Variants in LMLN observed in about 807,000 individuals in gnomAD.
LMLN encodes the protein leishmanolysin like peptidase, also known as leishmanolysin-like peptidase.
Under a neutral mutation model 92.3 loss-of-function variants are expected in LMLN, and 70 were observed. The observed-to-expected ratio is 0.76, with a 90% CI of 0.63 to 0.92. LMLN has a LOEUF of 0.92. LMLN is among the 40% of genes least tolerant of loss of function. The pLI, the probability that LMLN is intolerant of heterozygous loss-of-function variation, is 0.00. For synonymous variants in LMLN, 308 were observed against 296.2 expected, an observed-to-expected ratio of 1.04 and a Z score of -0.41; for missense variants, 691 against 814.6, an observed-to-expected ratio of 0.85 and a Z score of 1.85.
intron 11 of LMLN, among the ~76,000 whole-genome samples, chr3:198,013,204 A>T (rs1158586119): frequency 1.8e-5 from 2 of 112,968 alleles, no homozygotes; most frequent in Non-Finnish European, 3.3e-5. Flanking sequence ...ACTTCTCTGT[A>T]CCCTTCAGAG....
chr3:197,974,683 C>T (rs756532519), intron 2 of LMLN, among the ~76,000 whole-genome samples: 1 of 152,178 alleles, frequency 6.6e-6, no homozygotes, highest in Non-Finnish European at 1.5e-5. Flanking sequence ...TTTTCTTTTA[C>T]CATCTTCCTT....
chr3:198,023,622 A>C (rs1172044748), intron 13 of LMLN, among the ~76,000 whole-genome samples: 1 of 152,200 alleles, frequency 6.6e-6, no homozygotes, highest in Non-Finnish European at 1.5e-5. Context: ...CTGGCATAAA[A>C]CACTTATCTT....
At chr3:198,029,385 T>C (rs1199485325) in intron 14 of LMLN, among the ~76,000 whole-genome samples, 1 of 152,214 alleles carries the variant, frequency 6.6e-6, no homozygotes, top group Non-Finnish European at 1.5e-5. Flanking sequence ...TCCAAAAAAC[T>C]ACAGCCTCAG....
At chr3:197,995,686 A>G (rs895373791) in intron 9 of LMLN, among the ~76,000 whole-genome samples, 4 of 151,844 alleles carry the variant, frequency 2.6e-5, no homozygotes, top group Non-Finnish European at 4.4e-5. Context: ...GAATATGGTC[A>G]ATAGTAGTGT....
rs547047828 is a variant in LMLN at position 197,993,835 on chromosome 3, T to C, written c.1048-2340T>C. ...AAAGCTGTTCAGGCAGTGTGATGCC[T>C]CCAGCTTTGCAGTATTTCAAACTGT... On this transcript the variant is annotated intron_variant, in intron 9 of 15. Transcript: ENST00000330198. Among the ~76,000 whole-genome samples the C allele has an allele frequency of 3.9e-5, 6 of 152,274 alleles. No homozygotes were observed. The East Asian group carries it at 9.6e-4, about 24-fold the overall frequency.
intron 6 of LMLN, among the ~76,000 whole-genome samples, chr3:197,980,943 A>G (rs1721539378): frequency 6.6e-6 from 1 of 151,648 alleles, no homozygotes; most frequent in Admixed American, 6.6e-5. Context: ...TCATCTTGAC[A>G]AAAAATAAAA....
chr3:198,014,288 T>C (rs368129345), intron 11 of LMLN, among the ~76,000 whole-genome samples: 1,430 of 68,482 alleles, frequency 0.021, 1 homozygote, highest in Middle Eastern at 0.051. Flanking sequence ...CCCTTCAGAG[T>C]CCCCTAACTA....
chr3:198,015,022 T>C (rs1335680633), intron 11 of LMLN, among the ~76,000 whole-genome samples: 5 of 142,430 alleles, frequency 3.5e-5, no homozygotes, highest in Non-Finnish European at 7.7e-5. Context: ...CTCTCCACCC[T>C]TCAGAGCCCC....
Position 197,973,403 on chromosome 3 carries a change from G to A in LMLN, c.220-974G>A, listed in dbSNP as rs185363468. 5.6e-3 allele frequency among the ~76,000 whole-genome samples: 854 copies of A among 152,016 alleles called. 6 individuals carry two copies. The highest frequency in any genetic ancestry group is 0.011 in the Non-Finnish European group (721 of 67,942). On this transcript the variant is annotated intron_variant, in intron 1 of 15. Coordinates refer to ENST00000330198, the Ensembl canonical transcript of LMLN. ...ACTACAGGCGCCTGCCACCATGCCC[G>A]GCTAATTTTTTTGTATTTTTAGTAG...
At chr3:198,026,830 T>C (rs1722946403) in intron 14 of LMLN, among the ~76,000 whole-genome samples, 1 of 152,176 alleles carries the variant, frequency 6.6e-6, no homozygotes, top group Non-Finnish European at 1.5e-5. Context: ...TCATTGCTTT[T>C]AGTGGAGTGT....
intron 2 of LMLN, 92 bp downstream of exon 2, chr3:197,974,566 G>A: frequency 1.5e-6 from 1 of 662,214 alleles, no homozygotes; most frequent in Non-Finnish European, 2.5e-6. Context: ...AGAATCCATA[G>A]ATAAAACTTA....
intron 7 of LMLN, among the ~76,000 whole-genome samples, chr3:197,985,403 A>G (rs1031988302): frequency 6.6e-6 from 1 of 151,466 alleles, no homozygotes; most frequent in Admixed American, 6.6e-5. Context: ...ACACACACAC[A>G]CACACACACA....
intron 8 of LMLN, among the ~76,000 whole-genome samples, chr3:197,987,105 G>C (rs1721731569): frequency 6.7e-6 from 1 of 149,060 alleles, no homozygotes; most frequent in Non-Finnish European, 1.5e-5. Context: ...CTCCCAAAGT[G>C]TTGGGATTAC....
At chr3:198,040,180 A>C (rs1359772854) in exon 16 of LMLN, 2 of 152,234 alleles carry the variant, frequency 1.3e-5, no homozygotes, top group Non-Finnish European at 2.9e-5. Context: ...GTGTACTAAT[A>C]GCAAGGTATA....
At position 198,032,000 on chromosome 3, in the gene LMLN, G is replaced by T. The variant is rs1392248944; in HGVS notation, c.1657-3833G>T. 6.6e-6 allele frequency among the ~76,000 whole-genome samples: 1 copy of T among 151,876 alleles called. No homozygotes were observed. Among genetic ancestry groups the T allele is most frequent in the African/African-American group, 2.4e-5 (1 of 41,322 alleles). On this transcript the variant is annotated intron_variant, in intron 14 of 15. Transcript: ENST00000330198. This position sits in a 1 kb window ranked among gnomAD's most constrained non-coding sequence, Gnocchi z 4.8. Reference sequence around the variant, plus strand: ...GCCTGTAATTCCAGCTACACAGGAGGCTGAGGCATGAGAATCACTTGAACC... The same window carrying T: ...GCCTGTAATTCCAGCTACACAGGAGTCTGAGGCATGAGAATCACTTGAACC...
chr3:198,015,017 C>T (rs1172706219), intron 11 of LMLN, among the ~76,000 whole-genome samples: 20 of 141,370 alleles, frequency 1.4e-4, no homozygotes, highest in Non-Finnish European at 1.2e-4. Flanking sequence ...GACTTCTCTC[C>T]ACCCTTCAGA....
At chr3:197,981,389 AATG>A (rs1721554595) in intron 6 of LMLN, among the ~76,000 whole-genome samples, 1 of 152,130 alleles carries the variant, frequency 6.6e-6, no homozygotes, top group African/African-American at 2.4e-5. Context: ...CAACAATAAT[AATG>A]ATAAGTCCAC....
chr3:197,978,076 C>T (rs1169851608), intron 5 of LMLN, among the ~76,000 whole-genome samples: 1 of 151,378 alleles, frequency 6.6e-6, no homozygotes, highest in Non-Finnish European at 1.5e-5. Flanking sequence ...TAAAAATTAT[C>T]AAACAATCTG....
chr3:197,993,799 G>A (rs1721944153), intron 9 of LMLN, among the ~76,000 whole-genome samples: 2 of 152,056 alleles, frequency 1.3e-5, no homozygotes, highest in African/African-American at 4.8e-5. Context: ...ACAATCATGA[G>A]CAAAAAGAAC....
Sources: gnomAD v4.1 joint callset for allele counts (sites outside exome capture counted in the v4.1 genomes callset) on GRCh38, gnomAD v4.1.1 for gene constraint, Gnocchi (gnomAD v3.1) non-coding constraint, MANE v1.5 for transcripts, NCBI Gene and HGNC (gene_info 2026-07-23, HGNC 2026-07-21) for gene names.